The following EYS variants were observed in gnomAD, a reference collection of about 807,000 sequenced individuals.
EYS encodes the protein EGF-like photoreceptor maintenance factor.
In EYS, 250 loss-of-function variants were observed where a neutral mutation model predicts 282.1. That is an observed-to-expected ratio of 0.89 (90% CI 0.80 to 0.98). The LOEUF is 0.98. EYS is among the 50% of genes least tolerant of loss of function. EYS has a pLI of 0.00. For synonymous variants in EYS, 1,355 were observed against 1,282.9 expected (o/e 1.06, Z -1.20); for missense variants, 4,016 against 3,709.0 (o/e 1.08, Z -2.15).
At chr6:65,224,325 A>G (rs923164212) in intron 12 of EYS, among the ~76,000 whole-genome samples, 2 of 152,200 alleles carry the variant, frequency 1.3e-5, no homozygotes, top group African/African-American at 4.8e-5. Context: ...CAAAGCAGCA[A>G]TCACAAAGTA....
intron 22 of EYS, among the ~76,000 whole-genome samples, chr6:64,714,083 T>C (rs9452511): frequency 0.87 from 131,835 of 152,198 alleles, 57,692 homozygotes; most frequent in Middle Eastern, 0.94. Flanking sequence ...AAGAAGTAAA[T>C]TGTAGAGATC....
chr6:65,183,796 A>G (rs753214685), intron 12 of EYS, among the ~76,000 whole-genome samples: 2 of 151,888 alleles, frequency 1.3e-5, no homozygotes, highest in South Asian at 4.1e-4. Flanking sequence ...GATTAGGGAA[A>G]GGTTAGGGAA....
chr6:64,435,158 C>T (rs1023863019), intron 28 of EYS, among the ~76,000 whole-genome samples: 7 of 151,588 alleles, frequency 4.6e-5, no homozygotes, highest in African/African-American at 1.5e-4. Flanking sequence ...TATAGTGACA[C>T]TAAGCATTAA....
At chr6:64,358,117 C>A (rs1433969058) in intron 29 of EYS, among the ~76,000 whole-genome samples, 2 of 151,604 alleles carry the variant, frequency 1.3e-5, no homozygotes, top group Non-Finnish European at 3.0e-5. Context: ...GTACTGAATT[C>A]TTTCTGTGCC....
At chr6:64,429,298 A>G (rs2150458340) in intron 28 of EYS, among the ~76,000 whole-genome samples, 1 of 152,268 alleles carries the variant, frequency 6.6e-6, no homozygotes, top group African/African-American at 2.4e-5. Flanking sequence ...CTAAAAGGTG[A>G]TTGGTAACCA....
intron 12 of EYS, among the ~76,000 whole-genome samples, chr6:65,275,601 C>T (rs6455033): frequency 0.94 from 142,592 of 152,210 alleles, 67,479 homozygotes; most frequent in East Asian, 1. Flanking sequence ...TTGTTCCCTG[C>T]GCTTGGAAGA....
chr6:64,317,816 T>C (rs1412723815), intron 29 of EYS, among the ~76,000 whole-genome samples: 1 of 152,248 alleles, frequency 6.6e-6, no homozygotes, highest in Non-Finnish European at 1.5e-5. Context: ...AAAGAAAATG[T>C]GGCACATATA....
chr6:65,262,164 A>C (rs1270986980), intron 12 of EYS, among the ~76,000 whole-genome samples: 5 of 152,086 alleles, frequency 3.3e-5, no homozygotes, highest in Non-Finnish European at 7.4e-5. Flanking sequence ...CTGAGAACTC[A>C]TTATATCTTT....
intron 30 of EYS, among the ~76,000 whole-genome samples, chr6:64,262,678 C>CAT (rs1408060443): frequency 6.6e-6 from 1 of 151,990 alleles, no homozygotes; most frequent in African/African-American, 2.4e-5. Context: ...CATCTTAAGG[C>CAT]ATATACTATT....
At chr6:65,408,604 C>A (rs533523057) in intron 5 of EYS, among the ~76,000 whole-genome samples, 7 of 152,142 alleles carry the variant, frequency 4.6e-5, no homozygotes, top group African/African-American at 7.2e-5. Flanking sequence ...TTACTTGTGT[C>A]TTTCCTTGTA....
intron 12 of EYS, among the ~76,000 whole-genome samples, chr6:65,072,615 T>C (rs377206283): frequency 3.9e-5 from 6 of 151,962 alleles, no homozygotes; most frequent in African/African-American, 1.4e-4. Context: ...CTGCAATGTA[T>C]TACTATTTCA....
At chr6:64,698,355 A>AAT (rs1301732673) in intron 22 of EYS, among the ~76,000 whole-genome samples, 1 of 152,112 alleles carries the variant, frequency 6.6e-6, no homozygotes, top group Non-Finnish European at 1.5e-5. Flanking sequence ...GGAAATTGAG[A>AAT]ATAAAATATA....
chr6:64,833,852 T>C (rs1382734568), intron 19 of EYS, among the ~76,000 whole-genome samples: 1 of 151,942 alleles, frequency 6.6e-6, no homozygotes, highest in Non-Finnish European at 1.5e-5. Flanking sequence ...GAATCACTTT[T>C]ACAGAATCCT....
chr6:65,512,180 C>A (rs557684255), intron 2 of EYS, among the ~76,000 whole-genome samples: 2 of 152,132 alleles, frequency 1.3e-5, no homozygotes, highest in East Asian at 3.9e-4. Context: ...ATACGCCTTA[C>A]AGATCCTCTT....
At chr6:64,924,207 A>G (rs963261563) in intron 15 of EYS, among the ~76,000 whole-genome samples, 1 of 152,186 alleles carries the variant, frequency 6.6e-6, no homozygotes, top group Non-Finnish European at 1.5e-5. Flanking sequence ...GCTCACCACC[A>G]TGTGGAAGCT....
At position 64,975,817 on chromosome 6, in the gene EYS, T is replaced by G. The variant is rs939549688; in HGVS notation, c.2259+21765A>C. 2.6e-5 allele frequency among the ~76,000 whole-genome samples: 4 copies of G among 151,968 alleles called. No homozygotes were observed. The South Asian group carries it at 8.3e-4, about 32-fold the overall frequency. On this transcript the variant is annotated intron_variant, in intron 14 of 42. Transcript: ENST00000503581. ...ATAATTATTTTGAAAATAAACATTT[T>G]TATTACATGTTATTGAAAATATATG...
chr6:65,155,051 A>G (rs1007530876), intron 12 of EYS, among the ~76,000 whole-genome samples: 2 of 151,586 alleles, frequency 1.3e-5, no homozygotes, highest in African/African-American at 4.8e-5. Flanking sequence ...CAGGCATGCT[A>G]CATTTCCCAA....
At chr6:64,219,170 T>G (rs1327589535) in intron 31 of EYS, among the ~76,000 whole-genome samples, 1 of 152,212 alleles carries the variant, frequency 6.6e-6, no homozygotes, top group Non-Finnish European at 1.5e-5. Context: ...TGATTTCTAC[T>G]ATCCTGATCT....
intron 29 of EYS, among the ~76,000 whole-genome samples, chr6:64,382,867 G>T (rs1440739818): frequency 6.6e-6 from 1 of 152,172 alleles, no homozygotes. Flanking sequence ...AGTAAAAAAT[G>T]GGAAGAGTGG....
Sources: allele counts gnomAD v4.1 joint callset (sites outside exome capture counted in the v4.1 genomes callset), GRCh38; gene constraint gnomAD v4.1.1; transcripts MANE v1.5; gene names NCBI Gene and HGNC (gene_info 2026-07-23, HGNC 2026-07-21).